ZNF730: variants seen among roughly 807,000 people sequenced by gnomAD.
The protein encoded by ZNF730 is putative zinc finger protein 730.
Under a neutral mutation model 12.6 loss-of-function variants are expected in ZNF730, and 12 were observed. The ratio of observed to expected loss-of-function variants is 0.95; its 90% CI spans 0.61 to 1.54. The LOEUF (loss-of-function observed/expected upper bound fraction) is 1.54, where lower values mean the gene tolerates loss of function less well. Ranked by LOEUF, ZNF730 falls within the 40% of genes most tolerant of loss-of-function variation. ZNF730 has a pLI of 0.00. For synonymous variants in ZNF730, 194 were observed against 195.8 expected (o/e 0.99, Z 0.08); for missense variants, 643 against 583.5 (o/e 1.10, Z -1.05).
upstream of ZNF730, among the ~76,000 whole-genome samples, chr19:23,116,573 C>CTTTTTTTTTT (rs5827552): frequency 6.6e-3 from 568 of 86,696 alleles, no homozygotes; most frequent in Non-Finnish European, 8.1e-3. Context: ...CTCCCAGCTA[C>CTTTTTTTTTT]TTTTTTTTTT....
At chr19:23,105,449 T>A (rs1377302301) in intron 1 of ZNF730, among the ~76,000 whole-genome samples, 1 of 152,088 alleles carries the variant, frequency 6.6e-6, no homozygotes. Context: ...TATACATTTC[T>A]TTCTACATGG....
intron 1 of ZNF730, among the ~76,000 whole-genome samples, chr19:23,118,691 C>T (rs1016398987): frequency 8.5e-5 from 13 of 152,122 alleles, no homozygotes; most frequent in Admixed American, 5.9e-4. Context: ...AGACACATTG[C>T]GGGTCAGCCA....
At position 23,085,496 on chromosome 19, in the gene ZNF730, CTT is replaced by C. The variant is rs58871710; in HGVS notation, c.-94+10139_-94+10140del. Among the ~76,000 whole-genome samples the C allele has an allele frequency of 3.6e-3, 191 of 52,728 alleles. 2 individuals carry two copies. The highest frequency in any genetic ancestry group is 0.017 in the Middle Eastern group (1 of 58). 34.6% of individuals were successfully genotyped at this position (52,728 alleles called of 152,430 possible). ...TACAGGCATGAGCCACCATGCCCGT[CTT>C]TTTTTTTTTTTTTTTTTTTTTTTTT... On this transcript the variant is annotated intron_variant, in intron 1 of 2. Coordinates refer to the ZNF730 transcript ENST00000593635.
upstream of ZNF730, chr19:23,117,014 G>T (rs1970537323): frequency 7.3e-7 from 1 of 1,366,886 alleles, no homozygotes; most frequent in Admixed American, 2.1e-5. Context: ...CGGCTTCCGG[G>T]ATTTGGCGCG....
intron 1 of ZNF730, among the ~76,000 whole-genome samples, chr19:23,106,128 T>TA (rs1013673951): frequency 2.1e-4 from 31 of 147,254 alleles, no homozygotes; most frequent in Non-Finnish European, 3.6e-4. Context: ...AAGACCTTCC[T>TA]AAAAAAAAGA....
chr19:23,134,123 AGGAGT>A lies in ZNF730; in HGVS notation c.50_54del (p.Glu17AlafsTer12). 6.2e-7 allele frequency: 1 copy of A among 1,613,542 alleles called. No individual in the cohort carries two copies. Among genetic ancestry groups the A allele is most frequent in the Non-Finnish European group, 8.5e-7 (1 of 1,179,742 alleles). ...GATGTGGCCATAGAATTCTCTCTGGAGGAGTGGCAATGTCTGGACACCGAACAACA... is the reference window on the plus strand; with the variant it reads ...GATGTGGCCATAGAATTCTCTCTGGAGGCAATGTCTGGACACCGAACAACA... On this transcript the variant is annotated frameshift_variant, in exon 2 of 4. Transcript: ENST00000597761. LOFTEE classifies it high-confidence loss of function.
intron 1 of ZNF730, among the ~76,000 whole-genome samples, chr19:23,107,014 T>C (rs1205569550): frequency 6.6e-6 from 1 of 151,628 alleles, no homozygotes; most frequent in Non-Finnish European, 1.5e-5. Context: ...AATGTTAGCA[T>C]CAAAGGGAGA....
chr19:23,133,864 A>G (rs2145659382), intron 1 of ZNF730, among the ~76,000 whole-genome samples: 1 of 152,334 alleles, frequency 6.6e-6, no homozygotes, highest in Non-Finnish European at 1.5e-5. Context: ...TATCATATAA[A>G]TACTGATATT....
intron 1 of ZNF730, among the ~76,000 whole-genome samples, chr19:23,094,116 G>A (rs1007514419): frequency 1.3e-5 from 2 of 152,132 alleles, no homozygotes; most frequent in African/African-American, 4.8e-5. Flanking sequence ...CTCCCAAGTG[G>A]CTGCGGCTCT....
At chr19:23,088,980 C>T (rs184866195) in intron 1 of ZNF730, among the ~76,000 whole-genome samples, 13 of 151,970 alleles carry the variant, frequency 8.6e-5, no homozygotes, top group African/African-American at 2.9e-4. Context: ...TCAAGTGATT[C>T]TTCTTCCTCA....
At chr19:23,131,014 A>T (rs970188542) in intron 1 of ZNF730, among the ~76,000 whole-genome samples, 8 of 152,246 alleles carry the variant, frequency 5.3e-5, no homozygotes, top group African/African-American at 9.6e-5. Flanking sequence ...AGAAAAGCAG[A>T]TAAATGAGAA....
intron 1 of ZNF730, among the ~76,000 whole-genome samples, chr19:23,129,651 T>A (rs1970720403): frequency 6.6e-6 from 1 of 150,652 alleles, no homozygotes; most frequent in Non-Finnish European, 1.5e-5. Context: ...ACTTGCCTTG[T>A]TTCAGATAAG....
At chr19:23,080,308 G>A (rs997742618) in intron 1 of ZNF730, among the ~76,000 whole-genome samples, 3 of 151,894 alleles carry the variant, frequency 2.0e-5, no homozygotes, top group African/African-American at 7.3e-5. Context: ...ACAAATATCT[G>A]TTCCATGTTT....
At chr19:23,099,367 A>G (rs966192994) in intron 1 of ZNF730, among the ~76,000 whole-genome samples, 4 of 151,806 alleles carry the variant, frequency 2.6e-5, no homozygotes, top group Non-Finnish European at 5.9e-5. Flanking sequence ...AAAGCCCTCA[A>G]ATGGTACAGA....
chr19:23,118,536 A>G (rs921712759), intron 1 of ZNF730, among the ~76,000 whole-genome samples: 8 of 152,072 alleles, frequency 5.3e-5, no homozygotes, highest in African/African-American at 1.9e-4. Flanking sequence ...ATTTTCTCTC[A>G]CAGGACAACA....
chr19:23,135,801 G>A (rs1970822396), intron 2 of ZNF730, 147 bp from the exon 3 acceptor site: 27 of 671,720 alleles, frequency 4.0e-5, no homozygotes, highest in South Asian at 9.3e-5. Flanking sequence ...ATGAGCCACC[G>A]TGCCTGGTCT....
chr19:23,140,938 C>T lies in ZNF730; in HGVS notation c.227-4333C>T, dbSNP rs145466573. On this transcript the variant is annotated intron_variant, in intron 3 of 3. Coordinates refer to ENST00000597761, the MANE Select transcript of ZNF730 (RefSeq NM_001277403.2). The stretch of plus-strand genomic sequence containing the variant: ...CTACACTCTAGCCTGGGTGACAGAG[C>T]GAGATTCTGTCTCAAAAAAAAACTA... 4.7e-3 allele frequency among the ~76,000 whole-genome samples: 711 copies of T among 151,354 alleles called. 4 individuals carry two copies. The highest frequency in any genetic ancestry group is 8.0e-3 in the Admixed American group (121 of 15,190).
chr19:23,109,288 G>A (rs1012776515), intron 1 of ZNF730, among the ~76,000 whole-genome samples: 1 of 151,074 alleles, frequency 6.6e-6, no homozygotes, highest in African/African-American at 2.4e-5. Context: ...GGAGTGCAGT[G>A]GTGCAATCTT....
At chr19:23,101,116 C>G (rs115290306) in intron 1 of ZNF730, among the ~76,000 whole-genome samples, 3 of 152,330 alleles carry the variant, frequency 2.0e-5, no homozygotes, top group African/African-American at 7.2e-5. Flanking sequence ...ACCACTCTTG[C>G]ATATTGTATA....
Sources: gnomAD v4.1 joint callset for allele counts (sites outside exome capture counted in the v4.1 genomes callset) on GRCh38, gnomAD v4.1.1 for gene constraint, MANE v1.5 for transcripts, NCBI Gene and HGNC (gene_info 2026-07-23, HGNC 2026-07-21) for gene names.